DTWD1: variants seen among roughly 807,000 people sequenced by gnomAD.
DTWD1 encodes DTW motif tRNA-uridine aminocarboxypropyltransferase 1.
In DTWD1, 27 loss-of-function variants were observed where a neutral mutation model predicts 30.2. That is an observed-to-expected ratio of 0.90 (90% CI 0.66 to 1.23). DTWD1 has a LOEUF of 1.23. Among genes scored for constraint, DTWD1 ranks in the 50% most tolerant of loss-of-function variants. The pLI, the probability that DTWD1 is intolerant of heterozygous loss-of-function variation, is 0.00. For missense variants in DTWD1, 342 were observed against 348.8 expected (o/e 0.98, Z 0.15); for synonymous variants, 99 against 113.1 (o/e 0.88, Z 0.79).
chr15:49,624,774 A>T (rs1338083895), intron 1 of DTWD1, among the ~76,000 whole-genome samples: 1 of 152,206 alleles, frequency 6.6e-6, no homozygotes, highest in Non-Finnish European at 1.5e-5. Flanking sequence ...ATTAATGTCA[A>T]TTCAAAGTCA....
At chr15:49,630,553 A>G (rs1369267823) in intron 2 of DTWD1, among the ~76,000 whole-genome samples, 1 of 152,254 alleles carries the variant, frequency 6.6e-6, no homozygotes, top group Non-Finnish European at 1.5e-5. Flanking sequence ...TGAATGCAGT[A>G]CTTGTATAAG....
intron 3 of DTWD1, among the ~76,000 whole-genome samples, chr15:49,634,081 A>G (rs1473855344): frequency 2.6e-5 from 4 of 152,178 alleles, no homozygotes; most frequent in Non-Finnish European, 2.9e-5. Flanking sequence ...ATGAAGAGTT[A>G]TGCTATTTAA....
rs150720250 is a variant in DTWD1 at position 49,643,505 on chromosome 15, A to C, written c.842A>C (p.Tyr281Ser). The C allele has an allele frequency of 3.1e-6, 5 of 1,609,076 alleles. No individual in the cohort carries two copies. In the African/African-American group the frequency reaches 5.4e-5, roughly 17 times the overall value. Reference protein sequence around the residue: ...RGQYDNLLFFYSFMYQLIKNA... With the variant: ...RGQYDNLLFFSSFMYQLIKNA... ...CAATATGACAATCTTTTATTTTTCT[A>C]TTCTTTTATGTACCAGTTGATAAAG... is the stretch of plus-strand genomic sequence containing the variant. Residue 281 changes from tyrosine to serine, a missense_variant, in exon 5 of 5, where the codon TAT becomes TCT. Transcript: ENST00000403028.
chr15:49,632,124 A>T, intron 2 of DTWD1, 35 bp from the exon 3 acceptor site: 2 of 1,489,220 alleles, frequency 1.3e-6, no homozygotes, highest in Non-Finnish European at 1.8e-6. Context: ...TAAAATGTTT[A>T]TATATTTTTT....
chr15:49,641,719 T>C (rs1023308053), intron 4 of DTWD1, among the ~76,000 whole-genome samples: 1 of 152,052 alleles, frequency 6.6e-6, no homozygotes, highest in African/African-American at 2.4e-5. Flanking sequence ...GCCAGTTCTG[T>C]TTTTTTGTTT....
At chr15:49,642,367 A>G in intron 4 of DTWD1, among the ~76,000 whole-genome samples, 1 of 152,142 alleles carries the variant, frequency 6.6e-6, no homozygotes, top group East Asian at 1.9e-4. Context: ...AAATGAGAGT[A>G]CTGTTGTGTG....
chr15:49,643,111 G>T (rs1451499790), intron 4 of DTWD1, among the ~76,000 whole-genome samples: 1 of 151,880 alleles, frequency 6.6e-6, no homozygotes, highest in Non-Finnish European at 1.5e-5. Context: ...TCATGTATAA[G>T]ATTTTATTAT....
At chr15:49,624,757 ATTTTT>A (rs2153351002) in intron 1 of DTWD1, among the ~76,000 whole-genome samples, 1 of 152,250 alleles carries the variant, frequency 6.6e-6, no homozygotes, top group South Asian at 2.1e-4. Flanking sequence ...AGAATCTTCT[ATTTTT>A]CATTAATGTC....
chr15:49,638,056 A>C (rs1413238453), intron 4 of DTWD1, among the ~76,000 whole-genome samples: 1 of 152,236 alleles, frequency 6.6e-6, no homozygotes, highest in Non-Finnish European at 1.5e-5. Flanking sequence ...TGCTCTTTGA[A>C]AGAGAGAAAG....
At chr15:49,636,094 G>GT (rs1478965451) in intron 4 of DTWD1, among the ~76,000 whole-genome samples, 3 of 152,008 alleles carry the variant, frequency 2.0e-5, no homozygotes. Flanking sequence ...GAATCATATA[G>GT]TATGTACTCT....
Position 49,647,341 on chromosome 15 carries a change from G to T in DTWD1, c.*3763G>T, listed in dbSNP as rs1182823760. ...TGTTTTTAATGATCACATTTTATTT[G>T]ATGAGAAACAATTTTATTTTCTAGT... On this transcript the variant is annotated 3_prime_UTR_variant, in exon 5 of 5. Transcript: ENST00000403028. 1 of 152,104 alleles carries T rather than the reference G, an allele frequency of 6.6e-6. No homozygotes were observed. Among genetic ancestry groups the T allele is most frequent in the African/African-American group, 2.4e-5 (1 of 41,428 alleles). The allele number at this position is 152,104 out of a possible 1,614,324, so 9.4% of individuals were successfully genotyped here.
Position 49,652,220 on chromosome 15 carries a change from G to C in DTWD1, c.*8642G>C, listed in dbSNP as rs1272928527. ...CCACAAGGGGACACAGTTTTGCTGA[G>C]AGATATATAAAAAATCTCACTGAAA... is the stretch of plus-strand genomic sequence containing the variant. On this transcript the variant is annotated 3_prime_UTR_variant, in exon 5 of 5. Transcript: ENST00000403028. 6.6e-6 allele frequency: 1 copy of C among 152,144 alleles called. No homozygotes were observed. Among genetic ancestry groups the C allele is most frequent in the Admixed American group, 6.6e-5 (1 of 15,258 alleles). 9.4% of individuals were successfully genotyped at this position (152,144 alleles called of 1,614,324 possible). A position where few individuals can be genotyped will look rare whatever the true frequency, so the allele number is the denominator to read the frequency against.
At chr15:49,639,503 G>A (rs561128172) in intron 4 of DTWD1, among the ~76,000 whole-genome samples, 15 of 152,230 alleles carry the variant, frequency 9.9e-5, no homozygotes, top group African/African-American at 3.1e-4. Context: ...TCAAGGATGC[G>A]GTGAGCTATG....
chr15:49,652,588 G>A lies in DTWD1; in HGVS notation c.*9010G>A, dbSNP rs528168040. The A allele has an allele frequency of 8.4e-5, 11 of 130,942 alleles. No individual in the cohort carries two copies. In the South Asian group the frequency reaches 2.2e-3, roughly 26 times the overall value. 8.1% of individuals were successfully genotyped at this position (130,942 alleles called of 1,614,324 possible). On this transcript the variant is annotated 3_prime_UTR_variant, in exon 5 of 5. Coordinates refer to ENST00000403028, the MANE Select transcript of DTWD1 (RefSeq NM_001144955.2). ...TCTAGAATTGATAGTGGAGGATGAG[G>A]GGATGTGACAAGTATTGATGGCATT...
At chr15:49,633,611 A>G in intron 3 of DTWD1, 1 of 284,460 alleles carries the variant, frequency 3.5e-6, no homozygotes, top group Non-Finnish European at 7.0e-6. Context: ...CCGGGATTAC[A>G]GGTATGAGCC....
In DTWD1 at chr15:49,634,482, A is replaced by G. The variant is rs886274878; in HGVS notation, c.409-54A>G. 2.1e-5 allele frequency: 32 copies of G among 1,497,214 alleles called. 1 individual carries two copies. The African/African-American group carries it at 3.8e-4, about 18-fold the overall frequency. The allele number at this position is 1,497,214 out of a possible 1,614,324, so 92.7% of individuals were successfully genotyped here. On this transcript the variant is annotated intron_variant, in intron 3 of 4. Transcript: ENST00000403028. The stretch of plus-strand genomic sequence containing the variant: ...TAAAATTTTAAGTCAATCAAAATTT[A>G]TATATTTTGAAGATCATAGTAGCAC...
chr15:49,651,329 C>A lies in DTWD1; in HGVS notation c.*7751C>A, dbSNP rs1179170799. 6.6e-6 allele frequency: 1 copy of A among 152,048 alleles called. No homozygotes were observed. The highest frequency in any genetic ancestry group is 6.6e-5 in the Admixed American group (1 of 15,256). 9.4% of individuals were successfully genotyped at this position (152,048 alleles called of 1,614,324 possible). On this transcript the variant is annotated 3_prime_UTR_variant, in exon 5 of 5. Coordinates refer to ENST00000403028, the MANE Select transcript of DTWD1 (RefSeq NM_001144955.2). ...AGGTCTCTGTATTACGTGCAGTGCC[C>A]ACCAGAGAGCATTCAGTACTGAAGA...
Position 49,625,149 on chromosome 15 carries a change from A to C in DTWD1, c.-19A>C. 4 of 1,608,890 alleles carry C rather than the reference A, an allele frequency of 2.5e-6. No homozygotes were observed. The highest frequency in any genetic ancestry group is 3.4e-6 in the Non-Finnish European group (4 of 1,176,870). On this transcript the variant is annotated 5_prime_UTR_variant, in exon 2 of 5. Coordinates refer to ENST00000403028, the MANE Select transcript of DTWD1 (RefSeq NM_001144955.2). The stretch of plus-strand genomic sequence containing the variant: ...TATGTGTTTTAGAAATAGCCGTTAA[A>C]CTTTGGTTTGAATGAAGAATGTCTC...
intron 2 of DTWD1, chr15:49,629,931 G>T (rs1024339456): frequency 6.6e-6 from 1 of 152,124 alleles, no homozygotes; most frequent in East Asian, 1.9e-4. Context: ...TATTTATACT[G>T]TTCTGTCCCC....
Sources: allele counts gnomAD v4.1 joint callset (sites outside exome capture counted in the v4.1 genomes callset), GRCh38; gene constraint gnomAD v4.1.1; transcripts MANE v1.5; gene names NCBI Gene and HGNC (gene_info 2026-07-23, HGNC 2026-07-21).